LYNX1: variants seen among roughly 807,000 people sequenced by gnomAD.
LYNX1 encodes ly-6/neurotoxin-like protein 1.
Under a neutral mutation model 8.3 loss-of-function variants are expected in LYNX1, and 8 were observed. That is an observed-to-expected ratio of 0.97 (90% confidence interval 0.57 to 1.74). LYNX1 has a LOEUF of 1.74. Ranked by LOEUF, LYNX1 falls within the 40% of genes most tolerant of loss-of-function variation. The probability of loss-of-function intolerance (pLI) is 0.00; values close to 1 mark genes in which losing one functional copy is unlikely to be tolerated. For missense variants in LYNX1, 158 were observed against 159.7 expected (o/e 0.99, Z 0.06); for synonymous variants, 73 against 67.9 (o/e 1.08, Z -0.37).
chr8:142,772,962 C>T lies in LYNX1; in HGVS notation c.*2205G>A. 1 of 985,778 alleles carries T rather than the reference C, an allele frequency of 1.0e-6. No homozygotes were observed. The allele number at this position is 985,778 out of a possible 1,614,324, so 61.1% of individuals were successfully genotyped here. A position where few individuals can be genotyped will look rare whatever the true frequency, so the allele number is the denominator to read the frequency against. On this transcript the variant is annotated 3_prime_UTR_variant, in exon 4 of 4. Transcript: ENST00000652477. ...CTCAACACCACAGCACTTCCAGCTC[C>T]AGCAGGTCCTTGTTCTCAGCTGCCC... is the stretch of plus-strand genomic sequence containing the variant.
intron 2 of LYNX1, 105 bp from the exon 3 acceptor site, chr8:142,775,799 G>A: frequency 6.4e-7 from 1 of 1,552,324 alleles, no homozygotes; most frequent in South Asian, 1.1e-5. Flanking sequence ...CGGGGCAGGG[G>A]GCTAGAAGGA....
Position 142,775,137 on chromosome 8 carries a change from T to G in LYNX1, c.*30A>C. ...GGTGTAGCAGTGTGTCTCGAGAGCT[T>G]TGTTCTTGAGTGGGTCTGCCTCGGG... On this transcript the variant is annotated 3_prime_UTR_variant, in exon 4 of 4. Coordinates refer to ENST00000652477, the MANE Select transcript of LYNX1 (RefSeq NM_177477.4). 6.3e-7 allele frequency: 1 copy of G among 1,599,274 alleles called. No individual in the cohort carries two copies. The highest frequency in any genetic ancestry group is 8.5e-7 in the Non-Finnish European group (1 of 1,173,880).
At chr8:142,776,255 A>G (rs1815420593) in intron 1 of LYNX1, 134 bp from the exon 2 acceptor site, 1 of 486,494 alleles carries the variant, frequency 2.1e-6, no homozygotes, top group East Asian at 3.8e-5. Flanking sequence ...GGAGGAGGAG[A>G]CACTTGGGAT....
chr8:142,775,378 G>A lies in LYNX1; in HGVS notation c.155-15C>T, dbSNP rs758591221. On this transcript the variant is annotated splice_polypyrimidine_tract_variant and intron_variant, in intron 3 of 3. Transcript: ENST00000652477. Reference sequence around the variant, plus strand: ...GGGGGTGTAGTCTGCAGAGGGGCGGGGCGGTGAGCCAGCTCCGCTAAGAGG... The same window carrying A: ...GGGGGTGTAGTCTGCAGAGGGGCGGAGCGGTGAGCCAGCTCCGCTAAGAGG... 1.9e-6 allele frequency: 3 copies of A among 1,610,926 alleles called. No homozygotes were observed. The highest frequency in any genetic ancestry group is 8.5e-7 in the Non-Finnish European group (1 of 1,178,440).
Position 142,775,991 on chromosome 8 carries a change from A to G in LYNX1, c.-34T>C, listed in dbSNP as rs1195365681. On this transcript the variant is annotated 5_prime_UTR_variant, in exon 2 of 4. Coordinates refer to ENST00000652477, the MANE Select transcript of LYNX1 (RefSeq NM_177477.4). The stretch of plus-strand genomic sequence containing the variant: ...GCAGGAGGGCAGCGTGGGAGTGGGG[A>G]GGTCAACAGCAGCTAGCCCTGGATC... 1 of 1,612,322 alleles carries G rather than the reference A, an allele frequency of 6.2e-7. No individual in the cohort carries two copies. The highest frequency in any genetic ancestry group is 1.1e-5 in the South Asian group (1 of 90,896).
At position 142,771,965 on chromosome 8, in the gene LYNX1, C is replaced by G. The variant is rs1397907971; in HGVS notation, c.*3202G>C. ...ACCCCAGGGTCACTTCCTGTAGCTC[C>G]GACTTCTCTAGTGGCTGATTGCAGT... On this transcript the variant is annotated 3_prime_UTR_variant, in exon 4 of 4. Coordinates refer to ENST00000652477, the MANE Select transcript of LYNX1 (RefSeq NM_177477.4). The G allele has an allele frequency of 1.0e-6, 1 of 986,076 alleles. No individual in the cohort carries two copies. Among genetic ancestry groups the G allele is most frequent in the Non-Finnish European group, 1.2e-6 (1 of 830,086 alleles). The allele number at this position is 986,076 out of a possible 1,614,324, so 61.1% of individuals were successfully genotyped here. A position where few individuals can be genotyped will look rare whatever the true frequency, so the allele number is the denominator to read the frequency against.
chr8:142,774,149 T>TGGG lies in LYNX1; in HGVS notation c.*1017_*1018insCCC. The TGGG allele has an allele frequency of 1.4e-5, 10 of 725,006 alleles. No homozygotes were observed. Among genetic ancestry groups the TGGG allele is most frequent in the Non-Finnish European group, 1.6e-5 (10 of 608,224 alleles). The allele number at this position is 725,006 out of a possible 1,614,324, so 44.9% of individuals were successfully genotyped here. On this transcript the variant is annotated 3_prime_UTR_variant, in exon 4 of 4. Transcript: ENST00000652477. ...CGGGGGAGGGGCTGGGTCTCCGCCC[T>TGGG]CCCCACCCCACCCTCCCCACTCCCG...
At position 142,771,506 on chromosome 8, in the gene LYNX1, G is replaced by A; in HGVS notation, c.*3661C>T. On this transcript the variant is annotated 3_prime_UTR_variant, in exon 4 of 4. Transcript: ENST00000652477. ...CCCGTGTGTCTCTCGGGCTGCCCAGGTGGCTCTGTCCACCCTTCTGTCTGG... is the reference window on the plus strand; with the variant it reads ...CCCGTGTGTCTCTCGGGCTGCCCAGATGGCTCTGTCCACCCTTCTGTCTGG... 1.0e-6 allele frequency: 1 copy of A among 985,442 alleles called. No individual in the cohort carries two copies. Among genetic ancestry groups the A allele is most frequent in the Non-Finnish European group, 1.2e-6 (1 of 829,936 alleles). 61.0% of individuals were successfully genotyped at this position (985,442 alleles called of 1,614,324 possible).
chr8:142,776,003 G>T lies in LYNX1; in HGVS notation c.-46C>A. On this transcript the variant is annotated 5_prime_UTR_variant, in exon 2 of 4. The change creates a new upstream start codon in the 5' untranslated region. Coordinates refer to ENST00000652477, the MANE Select transcript of LYNX1 (RefSeq NM_177477.4). ...CGTGGGAGTGGGGAGGTCAACAGCAGCTAGCCCTGGATCCAACTCAGGGGT... is the reference window on the plus strand; with the variant it reads ...CGTGGGAGTGGGGAGGTCAACAGCATCTAGCCCTGGATCCAACTCAGGGGT... 1 of 1,607,812 alleles carries T rather than the reference G, an allele frequency of 6.2e-7. No individual in the cohort carries two copies.
Position 142,775,975 on chromosome 8 carries a change from C to T in LYNX1, c.-18G>A. 6.2e-7 allele frequency: 1 copy of T among 1,613,710 alleles called. No homozygotes were observed. The highest frequency in any genetic ancestry group is 8.5e-7 in the Non-Finnish European group (1 of 1,179,960). On this transcript the variant is annotated 5_prime_UTR_variant, in exon 2 of 4. Coordinates refer to ENST00000652477, the MANE Select transcript of LYNX1 (RefSeq NM_177477.4). ...GGCGTCATGGCTGCAGGCAGGAGGG[C>T]AGCGTGGGAGTGGGGAGGTCAACAG...
At chr8:142,776,365 G>A in intron 1 of LYNX1, 1 of 269,582 alleles carries the variant, frequency 3.7e-6, no homozygotes, top group South Asian at 4.4e-5. Flanking sequence ...GAGATGGGGG[G>A]AGGATGAGGG....
chr8:142,772,263 G>T lies in LYNX1; in HGVS notation c.*2904C>A. ...CCATGAAGGGGACCCTCGGTTCTGC[G>T]AGAGAGATCCCCGAAGTGGGAACTG... On this transcript the variant is annotated 3_prime_UTR_variant, in exon 4 of 4. Coordinates refer to ENST00000652477, the MANE Select transcript of LYNX1 (RefSeq NM_177477.4). 1 of 985,930 alleles carries T rather than the reference G, an allele frequency of 1.0e-6. No homozygotes were observed. The highest frequency in any genetic ancestry group is 1.2e-6 in the Non-Finnish European group (1 of 830,024). 61.1% of individuals were successfully genotyped at this position (985,930 alleles called of 1,614,324 possible).
upstream of LYNX1, chr8:142,777,764 C>T (rs1030898389): frequency 1.5e-5 from 6 of 397,806 alleles, no homozygotes. Context: ...CTCACGTGTT[C>T]AGCCCGGACA....
intron 3 of LYNX1, 34 bp from the exon 4 acceptor site, chr8:142,775,397 T>C: frequency 1.2e-6 from 2 of 1,607,012 alleles, no homozygotes; most frequent in Non-Finnish European, 1.7e-6. Flanking sequence ...CCAGCTCCGC[T>C]AAGAGGGGCA....
Position 142,771,917 on chromosome 8 carries a change from A to G in LYNX1, c.*3250T>C. On this transcript the variant is annotated 3_prime_UTR_variant, in exon 4 of 4. Coordinates refer to ENST00000652477, the MANE Select transcript of LYNX1 (RefSeq NM_177477.4). ...GCTGGAGCCGGGTGTCCCCATGCTG[A>G]CCTGGCCATGTCCCCAGGTCCCACC... The G allele has an allele frequency of 1.0e-6, 1 of 985,760 alleles. No homozygotes were observed. Among genetic ancestry groups the G allele is most frequent in the Non-Finnish European group, 1.2e-6 (1 of 830,008 alleles). 61.1% of individuals were successfully genotyped at this position (985,760 alleles called of 1,614,324 possible). A position where few individuals can be genotyped will look rare whatever the true frequency, so the allele number is the denominator to read the frequency against.
chr8:142,773,550 C>T lies in LYNX1; in HGVS notation c.*1617G>A. 1.0e-6 allele frequency: 1 copy of T among 985,702 alleles called. No homozygotes were observed. The allele number at this position is 985,702 out of a possible 1,614,324, so 61.1% of individuals were successfully genotyped here. ...GGAACTGGGTGTGCCCTCAGCAAGA[C>T]TCTGCCCCCTCCCATCCTCATGTTC... On this transcript the variant is annotated 3_prime_UTR_variant, in exon 4 of 4. Transcript: ENST00000652477.
rs922795626 is a variant in LYNX1 at position 142,772,482 on chromosome 8, G to A, written c.*2685C>T. On this transcript the variant is annotated 3_prime_UTR_variant, in exon 4 of 4. Coordinates refer to ENST00000652477, the MANE Select transcript of LYNX1 (RefSeq NM_177477.4). ...TTGGGGGTCCAAGGAACCCCAGCTG[G>A]TGGGAGAAGCGGCTGCACTGTGGTG... 2.0e-6 allele frequency: 2 copies of A among 985,386 alleles called. No individual in the cohort carries two copies. Among genetic ancestry groups the A allele is most frequent in the African/African-American group, 3.5e-5 (2 of 57,252 alleles). 61.0% of individuals were successfully genotyped at this position (985,386 alleles called of 1,614,324 possible).
intron 1 of LYNX1, chr8:142,776,695 T>C (rs902376648): frequency 6.6e-6 from 1 of 152,430 alleles, no homozygotes; most frequent in South Asian, 2.1e-4. Context: ...GGATGAGCTG[T>C]GCCCAGCTTG....
Position 142,771,550 on chromosome 8 carries a change from G to T in LYNX1, c.*3617C>A, listed in dbSNP as rs1815177733. 2.0e-6 allele frequency: 2 copies of T among 985,382 alleles called. No homozygotes were observed. Among genetic ancestry groups the T allele is most frequent in the Non-Finnish European group, 2.4e-6 (2 of 829,988 alleles). The allele number at this position is 985,382 out of a possible 1,614,324, so 61.0% of individuals were successfully genotyped here. A position where few individuals can be genotyped will look rare whatever the true frequency, so the allele number is the denominator to read the frequency against. ...TGTCTGGGAGGCTCCTTAAGGCTGG[G>T]GAGGGCCCAGAGGGAAGGAGATCCT... is the stretch of plus-strand genomic sequence containing the variant. On this transcript the variant is annotated 3_prime_UTR_variant, in exon 4 of 4. Transcript: ENST00000652477.
Sources: gnomAD v4.1 joint callset for allele counts on GRCh38, gnomAD v4.1.1 for gene constraint, MANE v1.5 for transcripts, NCBI Gene and HGNC (gene_info 2026-07-23, HGNC 2026-07-21) for gene names.